Variants in CNTLN observed in about 807,000 individuals in gnomAD.
The protein encoded by CNTLN is centlein.
In CNTLN, 212 loss-of-function variants were observed where a neutral mutation model predicts 180.0. That is an observed-to-expected ratio of 1.18 (90% CI 1.05 to 1.32). The LOEUF (loss-of-function observed/expected upper bound fraction) is 1.32. Ranked by LOEUF, CNTLN falls within the 40% of genes most tolerant of loss-of-function variation. The pLI is 0.00. For missense variants in CNTLN, 2,095 were observed against 1,610.9 expected (o/e 1.30, Z -5.14); for synonymous variants, 722 against 563.1 (o/e 1.28, Z -3.99).
intron 6 of CNTLN, among the ~76,000 whole-genome samples, chr9:17,277,673 ATC>A: frequency 6.6e-6 from 1 of 152,162 alleles, no homozygotes; most frequent in South Asian, 2.1e-4. Context: ...TAATAAGTTT[ATC>A]ATGCTTGGTG....
intron 2 of CNTLN, among the ~76,000 whole-genome samples, chr9:17,184,514 C>G (rs1821314714): frequency 6.6e-6 from 1 of 151,936 alleles, no homozygotes. Context: ...AAAGATAAAA[C>G]CAGACACTCT....
intron 2 of CNTLN, among the ~76,000 whole-genome samples, chr9:17,170,060 C>T (rs927935945): frequency 6.6e-6 from 1 of 151,956 alleles, no homozygotes; most frequent in Non-Finnish European, 1.5e-5. Flanking sequence ...TCTTTAATTT[C>T]TTTCATCAAT....
chr9:17,445,777 C>T (rs1365535919), intron 18 of CNTLN, among the ~76,000 whole-genome samples: 4 of 151,060 alleles, frequency 2.6e-5, no homozygotes, highest in South Asian at 4.2e-4. Context: ...GCCCGACACC[C>T]GTAAAGGGTC....
chr9:17,318,866 ATCCATCCATC>A (rs1819715254), intron 8 of CNTLN, among the ~76,000 whole-genome samples: 1 of 151,212 alleles, frequency 6.6e-6, no homozygotes, highest in Non-Finnish European at 1.5e-5. Context: ...CCATCCATCC[ATCCATCCATC>A]CATTAAACCT....
At chr9:17,316,202 A>C (rs946092962) in intron 8 of CNTLN, among the ~76,000 whole-genome samples, 7 of 151,828 alleles carry the variant, frequency 4.6e-5, no homozygotes, top group African/African-American at 1.7e-4. Flanking sequence ...CTTTACCTTT[A>C]GTGGCAATTT....
At chr9:17,341,228 G>A (rs1057310461) in intron 11 of CNTLN, among the ~76,000 whole-genome samples, 1 of 152,108 alleles carries the variant, frequency 6.6e-6, no homozygotes, top group African/African-American at 2.4e-5. Context: ...ATAAAATTAT[G>A]TAATTTAAAG....
At chr9:17,429,986 C>T (rs1330397584) in intron 18 of CNTLN, among the ~76,000 whole-genome samples, 1 of 151,908 alleles carries the variant, frequency 6.6e-6, no homozygotes, top group East Asian at 1.9e-4. Context: ...CAGAATATGG[C>T]TTCTGTGATT....
At chr9:17,362,787 A>G (rs1375859515) in intron 12 of CNTLN, among the ~76,000 whole-genome samples, 2 of 152,104 alleles carry the variant, frequency 1.3e-5, no homozygotes, top group East Asian at 1.9e-4. Flanking sequence ...TGTGCAGAGT[A>G]TGCAGGTTTA....
chr9:17,508,455 G>C (rs1157560124), downstream of CNTLN, among the ~76,000 whole-genome samples: 1 of 152,116 alleles, frequency 6.6e-6, no homozygotes, highest in Non-Finnish European at 1.5e-5. Flanking sequence ...CTTCGTTGGA[G>C]TGTTTTTAGG....
intron 13 of CNTLN, among the ~76,000 whole-genome samples, chr9:17,382,788 C>G (rs1825364108): frequency 6.6e-6 from 1 of 152,126 alleles, no homozygotes; most frequent in Non-Finnish European, 1.5e-5. Context: ...ATCTTATTCT[C>G]TTATTTAGTG....
chr9:17,464,118 AT>A (rs201529224), intron 20 of CNTLN, among the ~76,000 whole-genome samples: 5 of 151,382 alleles, frequency 3.3e-5, no homozygotes, highest in East Asian at 1.9e-4. Context: ...GAAGTATAAG[AT>A]TTTTTTCTTA....
the CNTLN span, among the ~76,000 whole-genome samples, chr9:17,523,171 C>G: frequency 3.4e-4 from 51 of 152,218 alleles, no homozygotes; most frequent in African/African-American, 1.2e-3. Context: ...CTAAAAAAGC[C>G]TTATAACCAT....
At chr9:17,299,025 C>T (rs886378399) in intron 7 of CNTLN, 3 of 683,426 alleles carry the variant, frequency 4.4e-6, no homozygotes, top group Non-Finnish European at 5.4e-6. Flanking sequence ...GGGCGAATCA[C>T]AAGGTCAAGA....
chr9:17,327,477 C>T (rs531324386), intron 8 of CNTLN, among the ~76,000 whole-genome samples: 1 of 147,564 alleles, frequency 6.8e-6, no homozygotes, highest in African/African-American at 2.5e-5. Context: ...AGCCACCGCA[C>T]CCAGCTGTTT....
At chr9:17,371,548 T>A (rs1008933088) in intron 13 of CNTLN, among the ~76,000 whole-genome samples, 1 of 152,238 alleles carries the variant, frequency 6.6e-6, no homozygotes, top group East Asian at 1.9e-4. Context: ...ACTTTCAGCA[T>A]TGGACAGATC....
intron 2 of CNTLN, among the ~76,000 whole-genome samples, chr9:17,182,669 A>G (rs1692840682): frequency 1.3e-5 from 2 of 152,168 alleles, no homozygotes; most frequent in African/African-American, 2.4e-5. Flanking sequence ...TGACGAGTTT[A>G]CCCTAGAGGG....
chr9:17,306,026 C>T (rs887519263), intron 7 of CNTLN, among the ~76,000 whole-genome samples: 9 of 152,046 alleles, frequency 5.9e-5, no homozygotes, highest in South Asian at 2.1e-4. Flanking sequence ...CCAGTGTAGT[C>T]TTACACACCT....
At chr9:17,372,206 C>T (rs1824379651) in intron 13 of CNTLN, among the ~76,000 whole-genome samples, 1 of 152,012 alleles carries the variant, frequency 6.6e-6, no homozygotes, top group Non-Finnish European at 1.5e-5. Context: ...CCAAAATTTA[C>T]AAACGTTTAA....
At chr9:17,186,153 A>G (rs1242611421) in intron 2 of CNTLN, among the ~76,000 whole-genome samples, 1 of 152,132 alleles carries the variant, frequency 6.6e-6, no homozygotes, top group Non-Finnish European at 1.5e-5. Context: ...GACTTTGTTT[A>G]TAATTTTCTT....
Sources: gnomAD v4.1 joint callset for allele counts (sites outside exome capture counted in the v4.1 genomes callset) on GRCh38, gnomAD v4.1.1 for gene constraint, MANE v1.5 for transcripts, NCBI Gene and HGNC (gene_info 2026-07-23, HGNC 2026-07-21) for gene names.